NCAN: variants seen among roughly 807,000 people sequenced by gnomAD.
NCAN encodes neurocan core protein.
A neutral mutation model predicts 121.8 loss-of-function variants in NCAN; 47 were observed. The observed-to-expected ratio is 0.39, with a 90% CI of 0.31 to 0.49. The LOEUF is 0.49. Ranked by LOEUF, NCAN falls within the 20% of genes least tolerant of loss-of-function variation. The pLI is 0.92. For missense variants in NCAN, 1,517 were observed against 1,773.4 expected, an observed-to-expected ratio of 0.86 and a Z score of 2.60; for synonymous variants, 633 against 702.0, an observed-to-expected ratio of 0.90 and a Z score of 1.55.
In NCAN at chr19:19,245,328, C is replaced by A; in HGVS notation, c.3508C>A (p.Arg1170=). ...DNTGLQFENW[R]ENQPDNFFAG... ...ATTCCTGCAGCAATTTGAGAACTGG[C>A]GAGAGAACCAGCCGGACAATTTCTT... The change falls in exon 13 of 15, where the codon CGA becomes AGA. Residue 1170 remains arginine (R), a synonymous_variant. Transcript: ENST00000252575. The A allele has an allele frequency of 6.2e-7, 1 of 1,614,022 alleles. No individual in the cohort carries two copies. The highest frequency in any genetic ancestry group is 8.5e-7 in the Non-Finnish European group (1 of 1,179,942).
chr19:19,245,634 T>C (rs566868445), intron 13 of NCAN, among the ~76,000 whole-genome samples, 177 bp downstream of exon 13: 1 of 152,148 alleles, frequency 6.6e-6, no homozygotes, highest in South Asian at 2.1e-4. Flanking sequence ...TGCACCAACA[T>C]GCCCAGCTAA....
At chr19:19,238,194 T>C (rs1437823079) in intron 10 of NCAN, 59 bp from the exon 11 acceptor site, 45 of 1,607,462 alleles carry the variant, frequency 2.8e-5, no homozygotes, top group East Asian at 8.9e-5. Context: ...GCTGTGCTCA[T>C]GGCTGGTAGG....
intron 12 of NCAN, among the ~76,000 whole-genome samples, chr19:19,242,915 G>A (rs1458677745): frequency 6.6e-6 from 1 of 151,936 alleles, no homozygotes; most frequent in Admixed American, 6.6e-5. Context: ...TGGGTGGATT[G>A]CTTGAGTTGT....
intron 3 of NCAN, 109 bp downstream of exon 3, chr19:19,219,425 T>C: frequency 8.4e-7 from 1 of 1,195,454 alleles, no homozygotes; most frequent in East Asian, 2.7e-5. Context: ...CCTGGCCTGG[T>C]GTCTCATGCC....
chr19:19,228,874 A>G (rs771965480), intron 8 of NCAN, among the ~76,000 whole-genome samples: 17 of 152,218 alleles, frequency 1.1e-4, no homozygotes, highest in Admixed American at 2.0e-4. Flanking sequence ...CGCTTGATCA[A>G]TTTCGGGCAC....
Position 19,227,764 on chromosome 19 carries a change from A to C in NCAN, c.2144A>C (p.Gln715Pro), listed in dbSNP as rs372550113. The C allele has an allele frequency of 8.1e-6, 13 of 1,613,588 alleles. No individual in the cohort carries two copies. The African/African-American group carries it at 1.6e-4, about 20-fold the overall frequency. The change falls in exon 8 of 15, where the codon CAG becomes CCG. Residue 715 changes from glutamine (Q) to proline (P), a missense_variant. Coordinates refer to ENST00000252575, the MANE Select transcript of NCAN (RefSeq NM_004386.3). The surrounding 1 kb of genome is among the most constrained non-coding windows in gnomAD (Gnocchi z 4.2). Reference protein sequence around the residue: ...FRETGETSPAQVNKAEHSSSS... With the variant: ...FRETGETSPAPVNKAEHSSSS... ...GAAACTGGGGAGACCAGCCCTGCTC[A>C]GGTCAACAAAGCTGAGCACTCCAGC...
intron 12 of NCAN, among the ~76,000 whole-genome samples, chr19:19,243,341 C>A (rs1483122451): frequency 6.6e-6 from 1 of 151,552 alleles, no homozygotes; most frequent in Non-Finnish European, 1.5e-5. Context: ...TATGGTAAAA[C>A]CCTGTGTCTA....
At chr19:19,216,662 A>T (rs1181965099) in intron 1 of NCAN, among the ~76,000 whole-genome samples, 1 of 150,330 alleles carries the variant, frequency 6.7e-6, no homozygotes, top group Non-Finnish European at 1.5e-5. Context: ...GGCTGGTCTC[A>T]AGCTTCTGGC....
chr19:19,226,205 C>T (rs924844406), intron 6 of NCAN, among the ~76,000 whole-genome samples: 17 of 152,128 alleles, frequency 1.1e-4, no homozygotes, highest in East Asian at 1.9e-4. Context: ...GCTGGGATTA[C>T]GGACGTGAGC....
At chr19:19,235,217 A>T (rs906020622) in intron 10 of NCAN, 121 bp downstream of exon 10, 1 of 579,164 alleles carries the variant, frequency 1.7e-6, no homozygotes, top group Admixed American at 3.0e-5. Context: ...CTGACACAAG[A>T]TAAATTATTC....
intron 13 of NCAN, among the ~76,000 whole-genome samples, chr19:19,245,873 G>T (rs1457339069): frequency 6.6e-6 from 1 of 152,080 alleles, no homozygotes; most frequent in Non-Finnish European, 1.5e-5. Context: ...TTTGGGAGAA[G>T]GGGGAGTCAC....
intron 2 of NCAN, among the ~76,000 whole-genome samples, chr19:19,217,926 G>A (rs1313611593): frequency 6.6e-6 from 1 of 152,064 alleles, no homozygotes; most frequent in African/African-American, 2.4e-5. Flanking sequence ...GGCGAAGGTT[G>A]CAGTGAGCCG....
Position 19,228,011 on chromosome 19 carries a change from C to T in NCAN, c.2391C>T (p.Ala797=). ...SKGLDASSPS[A]PLGSPGVFLV... is the part of the protein sequence containing the mutation. ...GGCTGGATGCAAGTTCCCCATCTGCCCCCCTGGGGAGCCCTGGAGTCTTCT... is the reference window on the plus strand; with the variant it reads ...GGCTGGATGCAAGTTCCCCATCTGCTCCCCTGGGGAGCCCTGGAGTCTTCT... The change falls in exon 8 of 15, where the codon GCC becomes GCT. Residue 797 remains alanine, a synonymous_variant. Transcript: ENST00000252575. The T allele has an allele frequency of 6.2e-7, 1 of 1,613,454 alleles. No individual in the cohort carries two copies. The highest frequency in any genetic ancestry group is 8.5e-7 in the Non-Finnish European group (1 of 1,179,994).
At chr19:19,216,755 G>A (rs559351798) in intron 1 of NCAN, among the ~76,000 whole-genome samples, 192 bp from the exon 2 acceptor site, 25 of 152,366 alleles carry the variant, frequency 1.6e-4, no homozygotes, top group Admixed American at 5.2e-4. Context: ...GCTATTCTGA[G>A]GTCAAGTGGC....
Position 19,218,948 on chromosome 19 carries a change from G to A in NCAN, c.107G>A (p.Gly36Glu). 1 of 1,527,228 alleles carries A rather than the reference G, an allele frequency of 6.5e-7. No homozygotes were observed. Among genetic ancestry groups the A allele is most frequent in the African/African-American group, 1.4e-5 (1 of 72,328 alleles). The allele number at this position is 1,527,228 out of a possible 1,614,324, so 94.6% of individuals were successfully genotyped here. Reference protein sequence around the residue: ...TQDITDASERGLHMQKLGSGS... With the variant: ...TQDITDASERELHMQKLGSGS... ...GATATCACCGATGCCAGCGAAAGGG[G>A]GCTCCACATGCAGAAGCTGGGGTCT... is the stretch of plus-strand genomic sequence containing the variant. Residue 36 changes from glycine (G) to glutamate (E), a missense_variant, in exon 3 of 15, where the codon GGG (glycine) becomes GAG (glutamate). By Grantham distance (98) the Gly-to-Glu change is moderately conservative. Coordinates refer to ENST00000252575, the MANE Select transcript of NCAN (RefSeq NM_004386.3).
chr19:19,235,456 G>A (rs1161259744), intron 10 of NCAN, among the ~76,000 whole-genome samples: 1 of 151,376 alleles, frequency 6.6e-6, no homozygotes, highest in Non-Finnish European at 1.5e-5. Context: ...TTTTTTAGTA[G>A]AGATGGGGTT....
chr19:19,247,979 C>T (rs867699065), intron 13 of NCAN, among the ~76,000 whole-genome samples: 24 of 151,980 alleles, frequency 1.6e-4, no homozygotes, highest in South Asian at 2.1e-4. Flanking sequence ...GGGACCCTGT[C>T]TTTACAAAAA....
In NCAN at chr19:19,227,142, C is replaced by T; in HGVS notation, c.1660+69C>T. 1 of 1,492,072 alleles carries T rather than the reference C, an allele frequency of 6.7e-7. No homozygotes were observed. Among genetic ancestry groups the T allele is most frequent in the East Asian group, 2.3e-5 (1 of 43,644 alleles). 92.4% of individuals were successfully genotyped at this position (1,492,072 alleles called of 1,614,324 possible). A position where few individuals can be genotyped will look rare whatever the true frequency, so the allele number is the denominator to read the frequency against. On this transcript the variant is annotated intron_variant, in intron 7 of 14. Transcript: ENST00000252575. The surrounding 1 kb of genome is among the most constrained non-coding windows in gnomAD (Gnocchi z 4.2). ...GGTGAGGGTAGAGAGGTAGCCATGG[C>T]TACACTCAGAATGAGGGAGGAAGCT... is the stretch of plus-strand genomic sequence containing the variant.
At chr19:19,230,022 C>A (rs1417914890) in intron 8 of NCAN, among the ~76,000 whole-genome samples, 2 of 152,056 alleles carry the variant, frequency 1.3e-5, no homozygotes, top group Admixed American at 1.3e-4. Context: ...ATTAATAAGT[C>A]TTTTTTTCTG....
Sources: gnomAD v4.1 joint callset for allele counts (sites outside exome capture counted in the v4.1 genomes callset) on GRCh38, gnomAD v4.1.1 for gene constraint, Gnocchi (gnomAD v3.1) non-coding constraint, MANE v1.5 for transcripts, NCBI Gene and HGNC (gene_info 2026-07-23, HGNC 2026-07-21) for gene names.